RELN: variants seen among roughly 807,000 people sequenced by gnomAD.
RELN encodes the protein reelin.
RELN carries 108 observed loss-of-function variants against 427.6 expected under a neutral mutation model. That is an observed-to-expected ratio of 0.25 (90% confidence interval 0.22 to 0.30). The LOEUF (loss-of-function observed/expected upper bound fraction) is 0.30, where lower values mean the gene tolerates loss of function less well. Among genes scored for constraint, RELN ranks in the 10% least tolerant of loss-of-function variants. RELN has a pLI of 1.00. For missense variants in RELN, 3,715 were observed against 4,302.8 expected (o/e 0.86, Z 3.82); for synonymous variants, 1,524 against 1,513.4 (o/e 1.01, Z -0.16).
At position 103,989,506 on chromosome 7, in the gene RELN, C is replaced by T. The variant is rs940935092; in HGVS notation, c.-150G>A. 8.2e-4 allele frequency: 510 copies of T among 622,120 alleles called. 8 individuals are homozygous for T. In the African/African-American group the frequency reaches 8.8e-3, roughly 11 times the overall value. The allele number at this position is 622,120 out of a possible 1,614,324, so 38.5% of individuals were successfully genotyped here. A position where few individuals can be genotyped will look rare whatever the true frequency, so the allele number is the denominator to read the frequency against. ...GCTCGGGAGCGGGCCTGGGAGCGGG[C>T]CCCCGCCGAGAAGTTCCGCGGGAGA... On this transcript the variant is annotated 5_prime_UTR_variant, in exon 1 of 65. Transcript: ENST00000428762. This position sits in a 1 kb window ranked among gnomAD's most constrained non-coding sequence, Gnocchi z 4.9.
At chr7:103,788,293 C>G (rs980842131) in intron 3 of RELN, among the ~76,000 whole-genome samples, 1 of 152,164 alleles carries the variant, frequency 6.6e-6, no homozygotes, top group Admixed American at 6.5e-5. Flanking sequence ...CAAGGATGCC[C>G]TCTCTCACCA....
chr7:103,908,151 C>T (rs777317747), intron 2 of RELN, among the ~76,000 whole-genome samples: 3 of 152,044 alleles, frequency 2.0e-5, no homozygotes, highest in East Asian at 1.9e-4. Context: ...CTGGGGGTGG[C>T]GCTGATCCAG....
chr7:103,964,150 C>A (rs760367290), intron 1 of RELN, among the ~76,000 whole-genome samples: 1 of 151,934 alleles, frequency 6.6e-6, no homozygotes, highest in Non-Finnish European at 1.5e-5. Context: ...TAGAGCGAGA[C>A]CCTGTCTCGA....
intron 3 of RELN, among the ~76,000 whole-genome samples, chr7:103,809,456 G>A (rs1329449895): frequency 1.4e-5 from 2 of 145,418 alleles, no homozygotes; most frequent in African/African-American, 4.9e-5. Context: ...CGAGCAGCCA[G>A]CCACCTCCAG....
intron 3 of RELN, among the ~76,000 whole-genome samples, chr7:103,798,026 G>A (rs1792351887): frequency 6.6e-6 from 1 of 152,130 alleles, no homozygotes; most frequent in Non-Finnish European, 1.5e-5. Context: ...TGTGCCTTTG[G>A]TCAGCCATCA....
intron 28 of RELN, among the ~76,000 whole-genome samples, chr7:103,585,604 T>G (rs545775592): frequency 6.6e-6 from 1 of 152,280 alleles, no homozygotes; most frequent in South Asian, 2.1e-4. Flanking sequence ...CAGTACAAGA[T>G]GGATTCAGAT....
At chr7:103,712,238 C>T (rs1050171243) in intron 8 of RELN, among the ~76,000 whole-genome samples, 1 of 152,006 alleles carries the variant, frequency 6.6e-6, no homozygotes, top group Non-Finnish European at 1.5e-5. Context: ...AGCCTATTTA[C>T]CGTAATATAC....
At chr7:103,733,974 A>G (rs1486646455) in intron 6 of RELN, among the ~76,000 whole-genome samples, 10 of 152,182 alleles carry the variant, frequency 6.6e-5, no homozygotes, top group Non-Finnish European at 1.5e-4. Context: ...ACCACAAGTA[A>G]TCTGAAATTC....
At chr7:103,634,911 T>C (rs1211696728) in intron 19 of RELN, among the ~76,000 whole-genome samples, 1 of 151,938 alleles carries the variant, frequency 6.6e-6, no homozygotes, top group Non-Finnish European at 1.5e-5. Context: ...CAGGTTGGAG[T>C]ACAATGGTGC....
intron 1 of RELN, among the ~76,000 whole-genome samples, chr7:103,956,617 GAGA>G (rs1306383127): frequency 6.6e-6 from 1 of 152,118 alleles, no homozygotes; most frequent in African/African-American, 2.4e-5. Flanking sequence ...AGTTTAAAAG[GAGA>G]AGATGTAAAA....
intron 24 of RELN, among the ~76,000 whole-genome samples, chr7:103,602,061 C>T (rs117849054): frequency 1.7e-4 from 26 of 152,328 alleles, no homozygotes; most frequent in Non-Finnish European, 3.4e-4. Flanking sequence ...CATACCCCCA[C>T]TCTCATCACT....
chr7:103,753,524 T>G (rs1241205257), intron 4 of RELN, among the ~76,000 whole-genome samples: 6 of 152,174 alleles, frequency 3.9e-5, no homozygotes, highest in African/African-American at 1.4e-4. Flanking sequence ...TATCCAATAA[T>G]GAATAACAAA....
At chr7:103,515,866 G>T (rs928218730) in intron 49 of RELN, among the ~76,000 whole-genome samples, 1 of 152,172 alleles carries the variant, frequency 6.6e-6, no homozygotes, top group Non-Finnish European at 1.5e-5. Flanking sequence ...TTCCATGAGT[G>T]CTGGCAAGTG....
At chr7:103,720,804 C>T (rs1790057330) in intron 8 of RELN, among the ~76,000 whole-genome samples, 1 of 152,036 alleles carries the variant, frequency 6.6e-6, no homozygotes, top group African/African-American at 2.4e-5. Flanking sequence ...TCATATCACC[C>T]AAATAAACAG....
intron 10 of RELN, among the ~76,000 whole-genome samples, chr7:103,693,724 T>A (rs774283025): frequency 3.4e-4 from 51 of 152,176 alleles, no homozygotes; most frequent in Middle Eastern, 6.8e-3. Flanking sequence ...CATAATGTAA[T>A]TTGTGTTAAG....
chr7:103,782,465 C>A (rs1293339928), intron 3 of RELN, among the ~76,000 whole-genome samples: 1 of 152,094 alleles, frequency 6.6e-6, no homozygotes, highest in Non-Finnish European at 1.5e-5. Flanking sequence ...GAAATAATAA[C>A]TATTACTTCA....
chr7:103,564,517 G>A (rs1220903440), intron 34 of RELN, among the ~76,000 whole-genome samples: 1 of 152,188 alleles, frequency 6.6e-6, no homozygotes, highest in Non-Finnish European at 1.5e-5. Context: ...AGGGGAGCTA[G>A]AGCCACAGAA....
chr7:103,776,629 T>C lies in RELN; in HGVS notation c.474-2A>G. 6.2e-7 allele frequency: 1 copy of C among 1,614,002 alleles called. No homozygotes were observed. The highest frequency in any genetic ancestry group is 8.5e-7 in the Non-Finnish European group (1 of 1,179,886). On this transcript the variant is annotated splice_acceptor_variant, in intron 3 of 64. Coordinates refer to ENST00000428762, the MANE Select transcript of RELN (RefSeq NM_005045.4). LOFTEE classifies it high-confidence loss of function. ...TGGCCCCGGTGTGTTGCTGTAGCCC[T>C]GGAAACAAATAGGAAAAGGTTAATT...
At chr7:103,690,127 ATTAT>A (rs1481144453) in intron 10 of RELN, among the ~76,000 whole-genome samples, 1 of 152,070 alleles carries the variant, frequency 6.6e-6, no homozygotes, top group African/African-American at 2.4e-5. Context: ...TATTATTACT[ATTAT>A]TTATCATAAC....
Sources: allele counts gnomAD v4.1 joint callset (sites outside exome capture counted in the v4.1 genomes callset), GRCh38; gene constraint gnomAD v4.1.1; non-coding constraint Gnocchi (gnomAD v3.1); transcripts MANE v1.5; gene names NCBI Gene and HGNC (gene_info 2026-07-23, HGNC 2026-07-21).